Variants in GLRA2 observed in about 807,000 individuals in gnomAD.
GLRA2 encodes glycine receptor alpha 2.
GLRA2 carries 11 observed loss-of-function variants against 31.6 expected under a neutral mutation model. That is an observed-to-expected ratio of 0.35 (90% CI 0.22 to 0.58). The LOEUF is 0.58. Among genes scored for constraint, GLRA2 ranks in the 20% least tolerant of loss-of-function variants. The pLI is 0.84. For synonymous variants in GLRA2, 132 were observed against 134.0 expected (o/e 0.99, Z 0.10); for missense variants, 212 against 351.8 (o/e 0.60, Z 3.18).
intron 7 of GLRA2, among the ~76,000 whole-genome samples, chrX:14,622,516 G>T (rs1246356855): frequency 8.9e-6 from 1 of 111,980 alleles, no homozygotes; most frequent in Non-Finnish European, 1.9e-5. Flanking sequence ...AATCCATCTT[G>T]AATTGATTTT....
At chrX:14,667,601 G>A (rs777355509) in intron 7 of GLRA2, among the ~76,000 whole-genome samples, 15 of 111,348 alleles carry the variant, frequency 1.3e-4, no homozygotes, top group Non-Finnish European at 2.6e-4. Flanking sequence ...TACTTGAATG[G>A]ATAGATTAAA....
At chrX:14,693,054 AAAAG>A (rs200131439) in intron 8 of GLRA2, among the ~76,000 whole-genome samples, 23,665 of 108,006 alleles carry the variant, frequency 0.22, 2,196 homozygotes, top group Non-Finnish European at 0.28. Flanking sequence ...ACAAAAAAAA[AAAAG>A]AAAGAGGGAA....
chrX:14,535,955 T>C (rs951637989), intron 2 of GLRA2, among the ~76,000 whole-genome samples: 3 of 112,452 alleles, frequency 2.7e-5, no homozygotes, highest in Non-Finnish European at 5.6e-5. Context: ...TAAAATTAAC[T>C]TAGCGTTACA....
intron 5 of GLRA2, 36 bp from the exon 6 acceptor site, chrX:14,607,094 GC>G: frequency 9.3e-7 from 1 of 1,080,108 alleles, no homozygotes; most frequent in Non-Finnish European, 1.3e-6. Context: ...TTCTTGGAAA[GC>G]CATATTCAAT....
intron 8 of GLRA2, among the ~76,000 whole-genome samples, chrX:14,728,806 T>C (rs2091957563): frequency 8.9e-6 from 1 of 112,610 alleles, no homozygotes; most frequent in Non-Finnish European, 1.9e-5. Context: ...GAAGCAAATC[T>C]GTTCTGCCTT....
At chrX:14,654,041 C>A (rs1601803559) in intron 7 of GLRA2, among the ~76,000 whole-genome samples, 1 of 111,853 alleles carries the variant, frequency 8.9e-6, no homozygotes, top group Non-Finnish European at 1.9e-5. Context: ...AGAAGGATTG[C>A]TTGAGCCCAG....
At chrX:14,542,175 G>A (rs2089414212) in intron 2 of GLRA2, among the ~76,000 whole-genome samples, 1 of 112,027 alleles carries the variant, frequency 8.9e-6, no homozygotes, top group African/African-American at 3.2e-5. Flanking sequence ...CCAGAGACAG[G>A]CACTTCAAAG....
intron 7 of GLRA2, among the ~76,000 whole-genome samples, chrX:14,644,358 G>GT (rs1192187767): frequency 4.5e-5 from 5 of 111,606 alleles, no homozygotes; most frequent in East Asian, 2.8e-4. Flanking sequence ...AAATACAGTA[G>GT]TTTTTTTTAG....
At chrX:14,555,305 A>G (rs2089627737) in intron 2 of GLRA2, among the ~76,000 whole-genome samples, 1 of 112,283 alleles carries the variant, frequency 8.9e-6, no homozygotes, top group South Asian at 3.7e-4. Context: ...CAGTTCTCCC[A>G]ATGAACTTGA....
At chrX:14,454,107 G>GT in the GLRA2 span, among the ~76,000 whole-genome samples, 1 of 108,082 alleles carries the variant, frequency 9.3e-6, no homozygotes, top group Non-Finnish European at 1.9e-5. Context: ...GGATTATGCT[G>GT]TAGTGATGGA....
At chrX:14,582,980 T>C (rs958902568) in intron 4 of GLRA2, among the ~76,000 whole-genome samples, 1 of 112,204 alleles carries the variant, frequency 8.9e-6, no homozygotes, top group Non-Finnish European at 1.9e-5. Context: ...ATATTAAAAA[T>C]ACTTGCTGCA....
chrX:14,557,098 ATTTCT>A (rs2089652655), intron 2 of GLRA2, among the ~76,000 whole-genome samples: 1 of 68,128 alleles, frequency 1.5e-5, no homozygotes, highest in Non-Finnish European at 2.6e-5. Context: ...CACCTAAAGT[ATTTCT>A]TTTTTTTTTT....
At chrX:14,604,794 T>C (rs1196971313) in intron 5 of GLRA2, among the ~76,000 whole-genome samples, 5 of 110,498 alleles carry the variant, frequency 4.5e-5, no homozygotes, top group Non-Finnish European at 9.5e-5. Flanking sequence ...ATTGAATTTC[T>C]TTCCATCTTA....
At chrX:14,637,736 C>T (rs948613798) in intron 7 of GLRA2, among the ~76,000 whole-genome samples, 3 of 111,779 alleles carry the variant, frequency 2.7e-5, no homozygotes, top group African/African-American at 6.5e-5. Context: ...ACATTGTATA[C>T]GTCACAGTAT....
chrX:14,604,192 G>A, intron 4 of GLRA2, 123 bp from the exon 5 acceptor site: 1 of 389,908 alleles, frequency 2.6e-6, no homozygotes. Context: ...CTGAGTTGGA[G>A]CTTAGATTTC....
At chrX:14,535,474 A>C (rs1173080035) in intron 2 of GLRA2, among the ~76,000 whole-genome samples, 3 of 112,230 alleles carry the variant, frequency 2.7e-5, no homozygotes, top group African/African-American at 9.7e-5. Context: ...ATTGAGAGAC[A>C]TTCTTAGAAA....
chrX:14,476,766 C>T, the GLRA2 span, among the ~76,000 whole-genome samples: 97 of 112,134 alleles, frequency 8.7e-4, no homozygotes, highest in African/African-American at 3.1e-3. Flanking sequence ...TGGCTTCTTT[C>T]CTCCCAATGC....
intron 7 of GLRA2, among the ~76,000 whole-genome samples, chrX:14,611,201 C>A (rs1012691328): frequency 8.9e-6 from 1 of 112,642 alleles, no homozygotes; most frequent in Non-Finnish European, 1.9e-5. Flanking sequence ...TGTAAATACT[C>A]ATTTTAATTT....
intron 8 of GLRA2, among the ~76,000 whole-genome samples, chrX:14,708,244 CAT>C (rs1025464899): frequency 1.8e-5 from 2 of 111,270 alleles, no homozygotes; most frequent in African/African-American, 6.6e-5. Context: ...TTAGATTCCA[CAT>C]ATAAGTGAGA....
Sources: allele counts gnomAD v4.1 joint callset (sites outside exome capture counted in the v4.1 genomes callset), GRCh38; gene constraint gnomAD v4.1.1; transcripts MANE v1.5; gene names NCBI Gene and HGNC (gene_info 2026-07-23, HGNC 2026-07-21).